CABIN1: variants seen among roughly 807,000 people sequenced by gnomAD.
The protein encoded by CABIN1 is calcineurin-binding protein cabin-1.
A neutral mutation model predicts 227.7 loss-of-function variants in CABIN1; 133 were observed. That is an observed-to-expected ratio of 0.58 (90% CI 0.51 to 0.67). CABIN1 has a LOEUF of 0.67. CABIN1 is among the 30% of genes least tolerant of loss of function. The pLI, the probability that CABIN1 is intolerant of heterozygous loss-of-function variation, is 0.00. For missense variants in CABIN1, 2,408 were observed against 2,852.5 expected, an observed-to-expected ratio of 0.84 and a Z score of 3.55; for synonymous variants, 1,086 against 1,155.1, an observed-to-expected ratio of 0.94 and a Z score of 1.21.
intron 29 of CABIN1, among the ~76,000 whole-genome samples, chr22:24,150,697 T>C (rs902850791): frequency 6.6e-6 from 1 of 151,978 alleles, no homozygotes; most frequent in African/African-American, 2.4e-5. Context: ...GCTGAGAGAG[T>C]ACGTTTTGGC....
Position 24,178,498 on chromosome 22 carries a change from C to T in CABIN1, c.*302C>T. 4.6e-6 allele frequency: 2 copies of T among 437,504 alleles called. No individual in the cohort carries two copies. The highest frequency in any genetic ancestry group is 4.6e-5 in the East Asian group (1 of 21,922). The allele number at this position is 437,504 out of a possible 1,614,324, so 27.1% of individuals were successfully genotyped here. A position where few individuals can be genotyped will look rare whatever the true frequency, so the allele number is the denominator to read the frequency against. On this transcript the variant is annotated 3_prime_UTR_variant, in exon 37 of 37. Coordinates refer to ENST00000263119, the MANE Select transcript of CABIN1 (RefSeq NM_012295.4). Reference sequence around the variant, plus strand: ...TTGACTTTGTAAATCTGCCCACACCCAGCTGGCCATATCCACCCCTCGACG... The same window carrying T: ...TTGACTTTGTAAATCTGCCCACACCTAGCTGGCCATATCCACCCCTCGACG...
intron 6 of CABIN1, 133 bp downstream of exon 6, chr22:24,043,217 G>A (rs1045232197): frequency 1.1e-5 from 7 of 634,932 alleles, no homozygotes; most frequent in Non-Finnish European, 1.9e-5. Flanking sequence ...GAATGGCAAT[G>A]TTCTTAGATT....
intron 1 of CABIN1, among the ~76,000 whole-genome samples, chr22:24,025,574 CT>C (rs1415936876): frequency 1.1e-4 from 17 of 152,318 alleles, no homozygotes; most frequent in African/African-American, 3.8e-4. Context: ...GGGATGGTAG[CT>C]GAGTCAAGTT....
chr22:24,119,290 C>T lies in CABIN1; in HGVS notation c.4301-77C>T, dbSNP rs539555988. 3 of 1,284,362 alleles carry T rather than the reference C, an allele frequency of 2.3e-6. No individual in the cohort carries two copies. The Admixed American group carries it at 5.0e-5, about 22-fold the overall frequency. 79.6% of individuals were successfully genotyped at this position (1,284,362 alleles called of 1,614,324 possible). A position where few individuals can be genotyped will look rare whatever the true frequency, so the allele number is the denominator to read the frequency against. ...TGCTGATCACTTCACCAAGGCGCCT[C>T]CGTTACTGGTGGTAGACCACTGCAT... On this transcript the variant is annotated intron_variant, in intron 27 of 36. Transcript: ENST00000263119.
chr22:24,101,623 A>G (rs1286730938), intron 26 of CABIN1: 2 of 152,290 alleles, frequency 1.3e-5, no homozygotes, highest in African/African-American at 2.4e-5. Context: ...TGCTGCTGGC[A>G]GCTCTGGCTG....
In CABIN1 at chr22:24,167,161, A is replaced by G; in HGVS notation, c.5530A>G (p.Ser1844Gly). The change falls in exon 32 of 37, where the codon AGC (serine) becomes GGC (glycine). Residue 1844 changes from serine to glycine, a missense_variant. Around this residue, in one of 3 missense-constraint regions of CABIN1, gnomAD observed 714 missense variants for 773.8 expected, o/e 0.92. Transcript: ENST00000263119. ...GHPEEPLSRL[S>G]RKRKLLEDTE... ...CCCGGAGGAGCCGCTCTCCCGGCTCAGCCGCAAGAGGAAGCTCCTGGAGGA... is the reference window on the plus strand; with the variant it reads ...CCCGGAGGAGCCGCTCTCCCGGCTCGGCCGCAAGAGGAAGCTCCTGGAGGA... The G allele has an allele frequency of 6.2e-7, 1 of 1,608,094 alleles. No individual in the cohort carries two copies. Among genetic ancestry groups the G allele is most frequent in the Non-Finnish European group, 8.5e-7 (1 of 1,178,428 alleles).
intron 34 of CABIN1, 157 bp from the exon 35 acceptor site, chr22:24,175,954 A>C (rs2047080497): frequency 5.8e-6 from 5 of 856,516 alleles, no homozygotes; most frequent in African/African-American, 1.7e-5. Context: ...TCTTGGCAGC[A>C]CCAACCTGGA....
In CABIN1 at chr22:24,059,309, C is replaced by G. The variant is rs1273930932; in HGVS notation, c.1345C>G (p.Pro449Ala). 1 of 1,614,038 alleles carries G rather than the reference C, an allele frequency of 6.2e-7. No individual in the cohort carries two copies. The highest frequency in any genetic ancestry group is 8.5e-7 in the Non-Finnish European group (1 of 1,180,030). ...VQSEAKLESF[P>A]SIGPQRLSFD... Reference sequence around the variant, plus strand: ...GTCAGAAGCCAAACTGGAAAGCTTCCCAAGCATTGGGCCTCAAAGGCTGTC... The same window carrying G: ...GTCAGAAGCCAAACTGGAAAGCTTCGCAAGCATTGGGCCTCAAAGGCTGTC... Residue 449 changes from proline to alanine, a missense_variant, in exon 11 of 37, where the codon CCA becomes GCA. This residue lies in a region of CABIN1 where 1,045 missense variants were observed against 1,168.4 expected (regional missense o/e 0.89). Transcript: ENST00000263119.
chr22:24,106,421 T>C (rs1343211669), intron 26 of CABIN1, among the ~76,000 whole-genome samples: 2 of 152,210 alleles, frequency 1.3e-5, no homozygotes, highest in Non-Finnish European at 2.9e-5. Context: ...GCTTCAGGAA[T>C]GGGGGTGGCT....
chr22:24,174,819 C>T (rs2047015758), intron 34 of CABIN1, among the ~76,000 whole-genome samples: 1 of 152,116 alleles, frequency 6.6e-6, no homozygotes, highest in South Asian at 2.1e-4. Flanking sequence ...ATTGACCCCA[C>T]CGAGAGAACA....
chr22:24,111,348 A>G (rs2042797848), intron 26 of CABIN1, among the ~76,000 whole-genome samples: 1 of 152,186 alleles, frequency 6.6e-6, no homozygotes, highest in Admixed American at 6.5e-5. Flanking sequence ...TGGGCTGCAC[A>G]GCAGGAGGTG....
chr22:24,023,848 C>G (rs917983984), intron 1 of CABIN1, among the ~76,000 whole-genome samples: 1 of 152,000 alleles, frequency 6.6e-6, no homozygotes, highest in Non-Finnish European at 1.5e-5. Context: ...GTTCTCATGC[C>G]TCAGCCTTCT....
At chr22:24,108,488 C>T (rs538024609) in intron 26 of CABIN1, among the ~76,000 whole-genome samples, 165 of 152,300 alleles carry the variant, frequency 1.1e-3, no homozygotes, top group African/African-American at 3.8e-3. Flanking sequence ...CTTTCACAAG[C>T]GTGAGAGAGA....
intron 1 of CABIN1, among the ~76,000 whole-genome samples, chr22:24,018,107 G>A (rs572101937): frequency 7.9e-5 from 12 of 151,794 alleles, no homozygotes; most frequent in South Asian, 2.1e-4. Flanking sequence ...CTTTCACCTC[G>A]GCTTCCCAAA....
intron 19 of CABIN1, among the ~76,000 whole-genome samples, chr22:24,077,790 C>T (rs1355621651): frequency 1.3e-5 from 2 of 152,130 alleles, no homozygotes. Context: ...GAGTTAATAC[C>T]TTAGGCTAGC....
chr22:24,031,355 AGCTCCAC>A (rs2036480675), intron 1 of CABIN1, among the ~76,000 whole-genome samples: 1 of 152,104 alleles, frequency 6.6e-6, no homozygotes, highest in Non-Finnish European at 1.5e-5. Flanking sequence ...TGGTCAGAGG[AGCTCCAC>A]GCTAGTCAAG....
intron 18 of CABIN1, among the ~76,000 whole-genome samples, chr22:24,074,590 G>T (rs952600571): frequency 2.6e-5 from 4 of 152,182 alleles, no homozygotes; most frequent in Non-Finnish European, 5.9e-5. Context: ...CTGAGCTGAG[G>T]GAAGGGGCCC....
chr22:24,066,772 G>T (rs1018073680), intron 15 of CABIN1, among the ~76,000 whole-genome samples: 1 of 152,178 alleles, frequency 6.6e-6, no homozygotes, highest in African/African-American at 2.4e-5. Flanking sequence ...GTTTTTTAAA[G>T]AATTGGATGC....
Position 24,177,717 on chromosome 22 carries a change from C to T in CABIN1, c.6419C>T (p.Ala2140Val). Residue 2140 changes from alanine (A) to valine (V), a missense_variant, in exon 36 of 37, where the codon GCC becomes GTC. This residue lies in a region of CABIN1 where 714 missense variants were observed against 773.8 expected (regional missense o/e 0.92). Coordinates refer to ENST00000263119, the MANE Select transcript of CABIN1 (RefSeq NM_012295.4). This position sits in a 1 kb window ranked among gnomAD's most constrained non-coding sequence, Gnocchi z 4.4. ...ATGCCAAAGCTGGTCATCCCCTCCGCCGCCACCAAGTTCCCCCCTGAGATC... is the reference window on the plus strand; with the variant it reads ...ATGCCAAAGCTGGTCATCCCCTCCGTCGCCACCAAGTTCCCCCCTGAGATC... ...PNMPKLVIPS[A>V]ATKFPPEITV... 2 of 1,613,144 alleles carry T rather than the reference C, an allele frequency of 1.2e-6. No individual in the cohort carries two copies. Among genetic ancestry groups the T allele is most frequent in the South Asian group, 1.1e-5 (1 of 91,044 alleles).
Sources: gnomAD v4.1 joint callset for allele counts (sites outside exome capture counted in the v4.1 genomes callset) on GRCh38, gnomAD v4.1.1 for gene constraint, gnomAD v4.1.1 regional missense constraint, Gnocchi (gnomAD v3.1) non-coding constraint, MANE v1.5 for transcripts, NCBI Gene and HGNC (gene_info 2026-07-23, HGNC 2026-07-21) for gene names.